SPMIP2: variants seen among roughly 807,000 people sequenced by gnomAD.
SPMIP2 encodes protein SPMIP2.
the SPMIP2 span, among the ~76,000 whole-genome samples, chr4:158,896,196 G>A: frequency 1.3e-5 from 2 of 152,328 alleles, no homozygotes; most frequent in Admixed American, 1.3e-4. Flanking sequence ...GTCACAAGCT[G>A]TGGGACATGC....
At chr4:159,046,975 A>G in the SPMIP2 span, among the ~76,000 whole-genome samples, 3 of 152,308 alleles carry the variant, frequency 2.0e-5, no homozygotes, top group East Asian at 5.8e-4. Flanking sequence ...GAGGTGTGGT[A>G]AGGCGGGGTT....
the SPMIP2 span, among the ~76,000 whole-genome samples, chr4:159,067,152 A>C: frequency 6.6e-6 from 1 of 152,244 alleles, no homozygotes; most frequent in Non-Finnish European, 1.5e-5. Flanking sequence ...CTGGATAGGA[A>C]CTATAAAATA....
chr4:159,020,545 C>T, the SPMIP2 span, among the ~76,000 whole-genome samples: 1 of 152,166 alleles, frequency 6.6e-6, no homozygotes, highest in South Asian at 2.1e-4. Flanking sequence ...CCTTCTGCCC[C>T]TGGGCCGGTT....
At chr4:159,057,745 G>C in the SPMIP2 span, among the ~76,000 whole-genome samples, 1 of 151,978 alleles carries the variant, frequency 6.6e-6, no homozygotes, top group African/African-American at 2.4e-5. Context: ...TCAGAATATA[G>C]AAATATTTAT....
At chr4:159,046,421 A>G in the SPMIP2 span, among the ~76,000 whole-genome samples, 1 of 152,232 alleles carries the variant, frequency 6.6e-6, no homozygotes, top group Admixed American at 6.5e-5. Flanking sequence ...TACAAAGGGC[A>G]TGAACAACAG....
the SPMIP2 span, among the ~76,000 whole-genome samples, chr4:158,928,777 C>A: frequency 6.6e-6 from 1 of 152,146 alleles, no homozygotes; most frequent in Non-Finnish European, 1.5e-5. Context: ...CCGCTAAGGT[C>A]TGCGGCTTCA....
the SPMIP2 span, among the ~76,000 whole-genome samples, chr4:158,989,485 A>G: frequency 6.6e-6 from 1 of 152,232 alleles, no homozygotes; most frequent in Non-Finnish European, 1.5e-5. Context: ...AAACTATACT[A>G]CAAGGCTACA....
At chr4:159,028,301 G>A in the SPMIP2 span, among the ~76,000 whole-genome samples, 1 of 152,256 alleles carries the variant, frequency 6.6e-6, no homozygotes, top group East Asian at 1.9e-4. Context: ...CTGAATTAAA[G>A]AATGTATTTT....
the SPMIP2 span, among the ~76,000 whole-genome samples, chr4:158,914,104 C>T: frequency 1.3e-5 from 2 of 151,978 alleles, no homozygotes; most frequent in East Asian, 1.9e-4. Context: ...ATGATAGAGG[C>T]GTTTGGGATA....
chr4:159,032,796 TG>T, the SPMIP2 span, among the ~76,000 whole-genome samples: 22 of 151,038 alleles, frequency 1.5e-4, no homozygotes, highest in Admixed American at 3.3e-4. Flanking sequence ...TTTTTTTTTT[TG>T]GTAAAAAAGT....
the SPMIP2 span, chr4:159,007,322 C>T: frequency 1.3e-6 from 1 of 755,298 alleles, no homozygotes; most frequent in Non-Finnish European, 2.3e-6. Context: ...ACATCTCATC[C>T]CAGGCCCTCC....
the SPMIP2 span, chr4:158,904,636 TGAG>T: frequency 8.9e-7 from 1 of 1,122,982 alleles, no homozygotes. Context: ...GTCAAAAGCA[TGAG>T]AAGAGCAAAC....
chr4:158,993,193 T>A, the SPMIP2 span, among the ~76,000 whole-genome samples: 2 of 151,700 alleles, frequency 1.3e-5, no homozygotes, highest in Non-Finnish European at 2.9e-5. Flanking sequence ...AGACCCTGTC[T>A]CTACAAAAAA....
the SPMIP2 span, among the ~76,000 whole-genome samples, chr4:158,935,135 A>G: frequency 1.3e-3 from 197 of 152,304 alleles, no homozygotes; most frequent in African/African-American, 4.2e-3. Flanking sequence ...AACTTTTAAA[A>G]CAATACCCTG....
the SPMIP2 span, among the ~76,000 whole-genome samples, chr4:159,056,748 A>G: frequency 6.6e-6 from 1 of 152,190 alleles, no homozygotes; most frequent in Non-Finnish European, 1.5e-5. Context: ...AAATAGAATG[A>G]GCAGAGGTAC....
the SPMIP2 span, among the ~76,000 whole-genome samples, chr4:158,979,554 G>T: frequency 6.6e-6 from 1 of 152,164 alleles, no homozygotes; most frequent in Non-Finnish European, 1.5e-5. Flanking sequence ...TGGTTAGATA[G>T]TGGGTGCATC....
chr4:159,073,897 G>A, the SPMIP2 span, among the ~76,000 whole-genome samples: 3 of 152,186 alleles, frequency 2.0e-5, no homozygotes, highest in Admixed American at 6.5e-5. Context: ...CCAGCTACTC[G>A]GGGGGCTAAG....
At chr4:159,058,584 C>T in the SPMIP2 span, among the ~76,000 whole-genome samples, 38 of 151,982 alleles carry the variant, frequency 2.5e-4, no homozygotes, top group African/African-American at 8.0e-4. Flanking sequence ...GGCAACTCTA[C>T]CTAAAGGCAA....
chr4:158,916,425 G>C, the SPMIP2 span, among the ~76,000 whole-genome samples: 4 of 152,104 alleles, frequency 2.6e-5, no homozygotes, highest in Admixed American at 2.6e-4. Flanking sequence ...AGCATACAGA[G>C]GTCAGGCAGT....
Sources: allele counts gnomAD v4.1 joint callset (sites outside exome capture counted in the v4.1 genomes callset), GRCh38; gene constraint gnomAD v4.1.1; transcripts MANE v1.5; gene names NCBI Gene and HGNC (gene_info 2026-07-23, HGNC 2026-07-21).